Variants in HACE1 observed in about 807,000 individuals in gnomAD.
The protein encoded by HACE1 is HECT domain and ankyrin repeat containing E3 ubiquitin protein ligase 1.
In HACE1, 73 loss-of-function variants were observed where a neutral mutation model predicts 118.4. The observed-to-expected ratio is 0.62, with a 90% confidence interval of 0.51 to 0.75. The LOEUF is 0.75. Among genes scored for constraint, HACE1 ranks in the 30% least tolerant of loss-of-function variants. HACE1 has a pLI of 0.00. For missense variants in HACE1, 749 were observed against 1,102.2 expected (o/e 0.68, Z 4.54); for synonymous variants, 368 against 374.8 (o/e 0.98, Z 0.21).
chr6:104,855,704 G>A (rs962113826), intron 1 of HACE1, among the ~76,000 whole-genome samples: 3 of 151,916 alleles, frequency 2.0e-5, no homozygotes, highest in East Asian at 1.9e-4. Context: ...ATTCTTTATC[G>A]TTCATATAAT....
chr6:104,790,131 T>C (rs1782868941), intron 11 of HACE1, among the ~76,000 whole-genome samples: 1 of 151,720 alleles, frequency 6.6e-6, no homozygotes, highest in South Asian at 2.1e-4. Flanking sequence ...CATATATGGC[T>C]AAAAACTGTC....
At chr6:104,815,166 T>C (rs886110962) in intron 6 of HACE1, among the ~76,000 whole-genome samples, 1 of 137,432 alleles carries the variant, frequency 7.3e-6, no homozygotes, top group African/African-American at 2.9e-5. Flanking sequence ...TGAATGGTTT[T>C]GATCAAACTG....
In HACE1 at chr6:104,815,835, G is replaced by A. The variant is rs996508926; in HGVS notation, c.535-4442C>T. On this transcript the variant is annotated intron_variant, in intron 6 of 23. Transcript: ENST00000262903. ...CGCCTGTAATCCCAGCACTTTGGGA[G>A]GCTGAGGCGGGCAGATCACCTGAGG... Among the ~76,000 whole-genome samples, 12 of 93,076 alleles carry A rather than the reference G, an allele frequency of 1.3e-4. 3 individuals are homozygous for A. Among genetic ancestry groups the A allele is most frequent in the Admixed American group, 9.0e-4 (9 of 9,970 alleles). 61.1% of individuals were successfully genotyped at this position (93,076 alleles called of 152,430 possible).
intron 12 of HACE1, 103 bp from the exon 13 acceptor site, chr6:104,784,588 A>AT: frequency 1.3e-6 from 1 of 745,476 alleles, no homozygotes; most frequent in Non-Finnish European, 2.2e-6. Context: ...TCTAAACCAA[A>AT]AAAAAAAGAA....
chr6:104,734,194 T>C (rs1775550295), intron 22 of HACE1, among the ~76,000 whole-genome samples: 1 of 143,860 alleles, frequency 7.0e-6, no homozygotes, highest in African/African-American at 2.6e-5. Flanking sequence ...TAAGGGATAA[T>C]GAAACAGTAA....
chr6:104,836,971 C>A (rs1774604847), intron 5 of HACE1, among the ~76,000 whole-genome samples: 1 of 152,160 alleles, frequency 6.6e-6, no homozygotes, highest in East Asian at 1.9e-4. Context: ...CTGTGCTGTA[C>A]AAAATTCTAA....
intron 6 of HACE1, among the ~76,000 whole-genome samples, chr6:104,826,865 C>T (rs2115051293): frequency 6.6e-6 from 1 of 152,284 alleles, no homozygotes; most frequent in East Asian, 1.9e-4. Flanking sequence ...AAAAAACTAT[C>T]TATTCCCCTA....
chr6:104,736,293 AT>A (rs1253928023), intron 22 of HACE1, among the ~76,000 whole-genome samples: 20 of 151,644 alleles, frequency 1.3e-4, no homozygotes, highest in African/African-American at 4.6e-4. Context: ...TATTATTATT[AT>A]TATTTTTTGA....
chr6:104,751,897 C>T (rs7743032), intron 19 of HACE1, among the ~76,000 whole-genome samples: 30,490 of 103,334 alleles, frequency 0.3, 3,994 homozygotes, highest in African/African-American at 0.54. Context: ...CTTTATTTTT[C>T]TTTTTTTGGC....
At chr6:104,805,915 A>AGGAT (rs1770944409) in intron 7 of HACE1, among the ~76,000 whole-genome samples, 1 of 152,174 alleles carries the variant, frequency 6.6e-6, no homozygotes, top group Non-Finnish European at 1.5e-5. Flanking sequence ...CATACACAGG[A>AGGAT]GGATATGTGC....
rs117242905 is a variant in HACE1 at position 104,765,450 on chromosome 6, T to G, written c.2211+5743A>C. The stretch of plus-strand genomic sequence containing the variant: ...GGGCTGTCTCATCAGCTGTAGTCAG[T>G]GTCTTTCTGAGGCAACAACAACAAA... On this transcript the variant is annotated intron_variant, in intron 19 of 23. Coordinates refer to ENST00000262903, the MANE Select transcript of HACE1 (RefSeq NM_020771.4). Among the ~76,000 whole-genome samples, 49 of 152,334 alleles carry G rather than the reference T, an allele frequency of 3.2e-4. No homozygotes were observed. In the East Asian group the frequency reaches 9.1e-3, roughly 28 times the overall value.
At chr6:104,744,048 G>A in intron 22 of HACE1, 112 bp downstream of exon 22, 1 of 734,496 alleles carries the variant, frequency 1.4e-6, no homozygotes, top group Non-Finnish European at 2.5e-6. Flanking sequence ...AGTGGAAAGG[G>A]TGGTAAGTTA....
intron 6 of HACE1, among the ~76,000 whole-genome samples, chr6:104,829,322 G>C (rs1773631499): frequency 6.6e-6 from 1 of 152,030 alleles, no homozygotes; most frequent in Admixed American, 6.6e-5. Context: ...TCATAGCCCA[G>C]TAAATCACAT....
intron 22 of HACE1, among the ~76,000 whole-genome samples, chr6:104,732,706 TAC>T (rs33956141): frequency 2.0e-5 from 3 of 151,836 alleles, no homozygotes; most frequent in Non-Finnish European, 4.4e-5. Context: ...GATATGCATT[TAC>T]ACACACACAC....
At chr6:104,737,491 C>T (rs1776022247) in intron 22 of HACE1, among the ~76,000 whole-genome samples, 2 of 152,088 alleles carry the variant, frequency 1.3e-5, no homozygotes, top group South Asian at 4.1e-4. Flanking sequence ...CGAGCCGAAG[C>T]AGGGCGAGGC....
At chr6:104,839,474 T>C (rs1250356023) in intron 5 of HACE1, among the ~76,000 whole-genome samples, 1 of 152,156 alleles carries the variant, frequency 6.6e-6, no homozygotes, top group Non-Finnish European at 1.5e-5. Flanking sequence ...AAATGACTAA[T>C]GGAGAACAAA....
intron 19 of HACE1, among the ~76,000 whole-genome samples, chr6:104,758,984 T>G (rs1159942946): frequency 6.6e-6 from 1 of 152,038 alleles, no homozygotes; most frequent in Non-Finnish European, 1.5e-5. Context: ...AAAGGATCAA[T>G]GCAACAAGAA....
At chr6:104,784,949 A>T in intron 12 of HACE1, 36 bp downstream of exon 12, 1 of 1,292,830 alleles carries the variant, frequency 7.7e-7, no homozygotes, top group Non-Finnish European at 1.1e-6. Context: ...ATCATCTATC[A>T]GAGAAAAAAA....
Position 104,796,638 on chromosome 6 carries a change from T to C in HACE1, c.816+17A>G. On this transcript the variant is annotated intron_variant, in intron 9 of 23. Transcript: ENST00000262903. The stretch of plus-strand genomic sequence containing the variant: ...TAAAGCTTCTTCATTTACAAGCTAC[T>C]ATCACAAATACAATACCATGTTTTC... The C allele has an allele frequency of 8.7e-7, 1 of 1,154,528 alleles. No individual in the cohort carries two copies. The highest frequency in any genetic ancestry group is 1.3e-6 in the Non-Finnish European group (1 of 763,390). 71.5% of individuals were successfully genotyped at this position (1,154,528 alleles called of 1,614,324 possible).
Sources: allele counts gnomAD v4.1 joint callset (sites outside exome capture counted in the v4.1 genomes callset), GRCh38; gene constraint gnomAD v4.1.1; transcripts MANE v1.5; gene names NCBI Gene and HGNC (gene_info 2026-07-23, HGNC 2026-07-21).